UHMK1: variants seen among roughly 807,000 people sequenced by gnomAD.
UHMK1 encodes serine/threonine-protein kinase Kist.
Under a neutral mutation model 44.0 loss-of-function variants are expected in UHMK1, and 18 were observed. The ratio of observed to expected loss-of-function variants is 0.41; its 90% confidence interval spans 0.28 to 0.61. The LOEUF is 0.61. Among genes scored for constraint, UHMK1 ranks in the 20% least tolerant of loss-of-function variants. The pLI, the probability that UHMK1 is intolerant of heterozygous loss-of-function variation, is 0.31. For missense variants in UHMK1, 463 were observed against 522.5 expected, an observed-to-expected ratio of 0.89 and a Z score of 1.11; for synonymous variants, 231 against 198.5, an observed-to-expected ratio of 1.16 and a Z score of -1.38.
chr1:162,499,794 T>A (rs1651200801), intron 1 of UHMK1, among the ~76,000 whole-genome samples, 161 bp from the exon 2 acceptor site: 1 of 152,148 alleles, frequency 6.6e-6, no homozygotes, highest in Non-Finnish European at 1.5e-5. Context: ...AATAACCCAA[T>A]TGCCAAAAGA....
rs1420849816 is a variant in UHMK1 at position 162,500,469 on chromosome 1, C to G, written c.561+222C>G. 2.4e-5 allele frequency: 13 copies of G among 542,266 alleles called. No homozygotes were observed. In the Admixed American group the frequency reaches 4.5e-4, roughly 19 times the overall value. 33.6% of individuals were successfully genotyped at this position (542,266 alleles called of 1,614,324 possible). On this transcript the variant is annotated intron_variant, in intron 2 of 7. Coordinates refer to ENST00000489294, the MANE Select transcript of UHMK1 (RefSeq NM_175866.5). ...AGGAGGAGCCAGTGAAGCATGAGAG[C>G]TCTGGAATTATTAAAAGTACTTAAC...
chr1:162,509,953 G>A (rs1182873864), intron 4 of UHMK1, among the ~76,000 whole-genome samples: 2 of 152,072 alleles, frequency 1.3e-5, no homozygotes, highest in Admixed American at 6.6e-5. Context: ...CCTAGTTTTT[G>A]TTTTTTAAGT....
intron 4 of UHMK1, among the ~76,000 whole-genome samples, chr1:162,505,290 A>T (rs1651427797): frequency 6.6e-6 from 1 of 152,214 alleles, no homozygotes. Flanking sequence ...GGGCAGTAAC[A>T]TGCATAGAGC....
At chr1:162,509,845 A>C (rs754379832) in intron 4 of UHMK1, among the ~76,000 whole-genome samples, 1 of 152,050 alleles carries the variant, frequency 6.6e-6, no homozygotes, top group Non-Finnish European at 1.5e-5. Flanking sequence ...GGATTTCACC[A>C]TGTTGGCCAG....
At chr1:162,515,929 G>A (rs1029133322) in intron 6 of UHMK1, among the ~76,000 whole-genome samples, 3 of 152,040 alleles carry the variant, frequency 2.0e-5, no homozygotes, top group Non-Finnish European at 4.4e-5. Context: ...AGCTACTCGG[G>A]AGGCTGAGGC....
At chr1:162,500,805 A>T in intron 2 of UHMK1, 108 bp from the exon 3 acceptor site, 1 of 1,096,014 alleles carries the variant, frequency 9.1e-7, no homozygotes, top group Non-Finnish European at 1.3e-6. Flanking sequence ...TTTAGCATTT[A>T]GCTTGGCAGT....
chr1:162,497,888 A>C lies in UHMK1; in HGVS notation c.-113A>C. ...TCCCGGGAGTCGGTGAGGCGGCTGC[A>C]GGTCCCTCCCTGCGGAGCCGCTGGT... On this transcript the variant is annotated 5_prime_UTR_variant, in exon 1 of 8. Coordinates refer to ENST00000489294, the MANE Select transcript of UHMK1 (RefSeq NM_175866.5). The C allele has an allele frequency of 7.1e-7, 1 of 1,411,010 alleles. No homozygotes were observed. The highest frequency in any genetic ancestry group is 9.2e-7 in the Non-Finnish European group (1 of 1,088,278). 87.4% of individuals were successfully genotyped at this position (1,411,010 alleles called of 1,614,324 possible). A position where few individuals can be genotyped will look rare whatever the true frequency, so the allele number is the denominator to read the frequency against.
intron 4 of UHMK1, among the ~76,000 whole-genome samples, chr1:162,509,936 C>T (rs867897780): frequency 6.6e-6 from 1 of 152,298 alleles, no homozygotes; most frequent in Non-Finnish European, 1.5e-5. Context: ...TGAGCCACCA[C>T]GCCTGGCCTA....
chr1:162,511,863 T>C (rs1001806867), intron 4 of UHMK1, among the ~76,000 whole-genome samples: 1 of 152,152 alleles, frequency 6.6e-6, no homozygotes, highest in Non-Finnish European at 1.5e-5. Flanking sequence ...CCCCATTGTG[T>C]TTTCTTGGCA....
In UHMK1 at chr1:162,503,758, A is replaced by G; in HGVS notation, c.758A>G (p.Asn253Ser). 1 of 1,613,680 alleles carries G rather than the reference A, an allele frequency of 6.2e-7. No individual in the cohort carries two copies. The highest frequency in any genetic ancestry group is 8.5e-7 in the Non-Finnish European group (1 of 1,179,820). ...HTVRSQEWKA[N>S]SSAIIDHIFA... ...AACTTTTCTCCGTTTTTTAAGGCAA[A>G]CAGTTCTGCTATTATTGATCACATA... The change falls in exon 4 of 8, where the codon AAC (asparagine) becomes AGC (serine). Residue 253 changes from asparagine (N) to serine (S), a missense_variant. Coordinates refer to ENST00000489294, the MANE Select transcript of UHMK1 (RefSeq NM_175866.5).
intron 6 of UHMK1, among the ~76,000 whole-genome samples, chr1:162,515,760 C>T (rs1473493567): frequency 1.3e-5 from 2 of 151,834 alleles, no homozygotes; most frequent in Non-Finnish European, 2.9e-5. Flanking sequence ...CTTGGCCGGG[C>T]GTGGTGGCTC....
Position 162,526,609 on chromosome 1 carries a change from T to A in UHMK1, c.*4059T>A, listed in dbSNP as rs1652260274. ...CCTTTTTCCTGGAGTAACTTTTAGA[T>A]TGAGTCACATATGATAGTATAAAAG... On this transcript the variant is annotated 3_prime_UTR_variant, in exon 8 of 8. Transcript: ENST00000489294. The A allele has an allele frequency of 6.6e-6, 1 of 152,108 alleles. No individual in the cohort carries two copies. Among genetic ancestry groups the A allele is most frequent in the South Asian group, 2.1e-4 (1 of 4,824 alleles). 9.4% of individuals were successfully genotyped at this position (152,108 alleles called of 1,614,324 possible).
At chr1:162,507,487 G>T (rs921551478) in intron 4 of UHMK1, among the ~76,000 whole-genome samples, 4 of 151,650 alleles carry the variant, frequency 2.6e-5, no homozygotes, top group Non-Finnish European at 2.9e-5. Context: ...CCCACCATGT[G>T]CCAGGCTGGT....
In UHMK1 at chr1:162,523,737, T is replaced by A. The variant is rs1376657615; in HGVS notation, c.*1187T>A. ...TCCCTTTTTCCTCCCCTTCCCTCAT[T>A]CTTTGCCTCTATCCTTAGCTGAAGA... On this transcript the variant is annotated 3_prime_UTR_variant, in exon 8 of 8. Coordinates refer to ENST00000489294, the MANE Select transcript of UHMK1 (RefSeq NM_175866.5). 6.6e-6 allele frequency: 1 copy of A among 152,198 alleles called. No homozygotes were observed. The highest frequency in any genetic ancestry group is 2.4e-5 in the African/African-American group (1 of 41,454). 9.4% of individuals were successfully genotyped at this position (152,198 alleles called of 1,614,324 possible).
intron 4 of UHMK1, among the ~76,000 whole-genome samples, chr1:162,509,413 A>G (rs1358368683): frequency 6.6e-6 from 1 of 152,196 alleles, no homozygotes; most frequent in Non-Finnish European, 1.5e-5. Flanking sequence ...TTATGATTTT[A>G]CAAAGAACTG....
chr1:162,509,375 G>A (rs1487010058), intron 4 of UHMK1, among the ~76,000 whole-genome samples: 1 of 152,122 alleles, frequency 6.6e-6, no homozygotes, highest in Non-Finnish European at 1.5e-5. Context: ...GTTTTAAGAG[G>A]TCTTAGTGTC....
chr1:162,499,865 A>T, intron 1 of UHMK1, 90 bp from the exon 2 acceptor site: 1 of 1,234,888 alleles, frequency 8.1e-7, no homozygotes, highest in Non-Finnish European at 1.1e-6. Flanking sequence ...ATCCTTATCT[A>T]GACTATCTCA....
At chr1:162,512,408 G>T in intron 4 of UHMK1, 92 bp from the exon 5 acceptor site, 1 of 967,742 alleles carries the variant, frequency 1.0e-6, no homozygotes, top group Non-Finnish European at 1.6e-6. Context: ...AATTAATGCT[G>T]TGATGAACAT....
chr1:162,522,043 G>A (rs1373624690), intron 7 of UHMK1, among the ~76,000 whole-genome samples: 1 of 128,876 alleles, frequency 7.8e-6, no homozygotes, highest in Non-Finnish European at 1.8e-5. Context: ...GTTGCTGTCT[G>A]AGCTATTCAG....
Sources: gnomAD v4.1 joint callset for allele counts (sites outside exome capture counted in the v4.1 genomes callset) on GRCh38, gnomAD v4.1.1 for gene constraint, MANE v1.5 for transcripts, NCBI Gene and HGNC (gene_info 2026-07-23, HGNC 2026-07-21) for gene names.